The following SPATA20 variants were observed in gnomAD, a reference collection of about 807,000 sequenced individuals.
SPATA20 encodes the protein spermatogenesis associated 20.
SPATA20 carries 74 observed loss-of-function variants against 98.9 expected under a neutral mutation model. The ratio of observed to expected loss-of-function variants is 0.75; its 90% CI spans 0.62 to 0.91. SPATA20 has a LOEUF of 0.91. SPATA20 is among the 40% of genes least tolerant of loss of function. SPATA20 has a pLI of 0.00. For synonymous variants in SPATA20, 430 were observed against 440.5 expected (o/e 0.98, Z 0.30); for missense variants, 1,016 against 1,069.8 (o/e 0.95, Z 0.70).
chr17:50,547,196 GC>G lies in SPATA20; in HGVS notation c.-9del. The G allele has an allele frequency of 7.0e-7, 1 of 1,424,394 alleles. No individual in the cohort carries two copies. The highest frequency in any genetic ancestry group is 3.0e-5 in the Admixed American group (1 of 33,366). 88.2% of individuals were successfully genotyped at this position (1,424,394 alleles called of 1,614,324 possible). The stretch of plus-strand genomic sequence containing the variant: ...CCTGTCCTCAGCGGCCGGGCCCACG[GC>G]CCCGAGCAGCCATGCTGGGCGCGCG... On this transcript the variant is annotated 5_prime_UTR_variant, in exon 1 of 17. Coordinates refer to ENST00000006658, the MANE Select transcript of SPATA20 (RefSeq NM_022827.4).
At chr17:50,551,443 T>TA in intron 12 of SPATA20, 68 bp from the exon 13 acceptor site, 1 of 1,516,488 alleles carries the variant, frequency 6.6e-7, no homozygotes, top group East Asian at 2.3e-5. Flanking sequence ...GGGCCTAAGG[T>TA]GATAGGGTGG....
Position 50,552,194 on chromosome 17 carries a change from C to T in SPATA20, c.1957+14C>T. On this transcript the variant is annotated intron_variant, in intron 14 of 16. Transcript: ENST00000006658. Reference sequence around the variant, plus strand: ...GTCTGAAGGACGGTCAGTGGGGGTGCAGGGCTAGTCTGGGGTCCTGGGAGG... The same window carrying T: ...GTCTGAAGGACGGTCAGTGGGGGTGTAGGGCTAGTCTGGGGTCCTGGGAGG... 2 of 1,611,400 alleles carry T rather than the reference C, an allele frequency of 1.2e-6. No homozygotes were observed. The highest frequency in any genetic ancestry group is 3.3e-4 in the Middle Eastern group (2 of 6,044).
At chr17:50,547,515 A>G in intron 1 of SPATA20, 2 of 657,954 alleles carry the variant, frequency 3.0e-6, no homozygotes, top group South Asian at 1.7e-5. Flanking sequence ...CTTCCAGTGC[A>G]GTGCCAGCTC....
Position 50,548,554 on chromosome 17 carries a change from G to A in SPATA20, c.297G>A (p.Trp99Ter). The A allele has an allele frequency of 1.2e-6, 2 of 1,613,680 alleles. No individual in the cohort carries two copies. Among genetic ancestry groups the A allele is most frequent in the Non-Finnish European group, 1.7e-6 (2 of 1,179,834 alleles). ...TGATGCCCCACCCTGCTGGGTCTAGGTACCCCTGGGGACAGGAAGCCTTCG... is the reference window on the plus strand; with the variant it reads ...TGATGCCCCACCCTGCTGGGTCTAGATACCCCTGGGGACAGGAAGCCTTCG... Reference protein sequence around the residue: ...LLQHAYNPVDWYPWGQEAFDK... With the variant: ...LLQHAYNPVD Residue 99 changes from tryptophan (W) to a stop codon, truncating the protein, a stop_gained and splice_region_variant, in exon 4 of 17, where the codon TGG becomes TGA. Transcript: ENST00000006658. LOFTEE classifies it high-confidence loss of function.
rs1386287284 is a variant in SPATA20 at position 50,549,402 on chromosome 17, GAACAA to G, written c.778_782del (p.Asn260SerfsTer8). On this transcript the variant is annotated frameshift_variant, in exon 7 of 17. Transcript: ENST00000006658. LOFTEE classifies it high-confidence loss of function. Reference sequence around the variant, plus strand: ...AGCTGCCGCCCTCTGCCGCCACCGTGAACAATCGCTGCTTCCAGCAGCTGGATGAG... The same window carrying G: ...AGCTGCCGCCCTCTGCCGCCACCGTGTCGCTGCTTCCAGCAGCTGGATGAG... 1 of 1,612,684 alleles carries G rather than the reference GAACAA, an allele frequency of 6.2e-7. No individual in the cohort carries two copies.
chr17:50,548,976 T>A lies in SPATA20; in HGVS notation c.516+12T>A. Reference sequence around the variant, plus strand: ...TGACGTTCGTGCAGGTGAGCAGCCCTCCTCGGGAGTGTATGCGCCACATGG... The same window carrying A: ...TGACGTTCGTGCAGGTGAGCAGCCCACCTCGGGAGTGTATGCGCCACATGG... On this transcript the variant is annotated intron_variant, in intron 5 of 16. Transcript: ENST00000006658. 6.2e-7 allele frequency: 1 copy of A among 1,614,064 alleles called. No individual in the cohort carries two copies. The highest frequency in any genetic ancestry group is 8.5e-7 in the Non-Finnish European group (1 of 1,180,002).
At chr17:50,548,107 C>T (rs1312416387) in intron 2 of SPATA20, 176 bp from the exon 3 acceptor site, 4 of 1,506,264 alleles carry the variant, frequency 2.7e-6, no homozygotes, top group Non-Finnish European at 8.8e-7. Flanking sequence ...TCCTCACCCC[C>T]CAAAAAACAT....
rs1315525412 is a variant in SPATA20 at position 50,547,261 on chromosome 17, G to A, written c.53G>A (p.Gly18Asp). The A allele has an allele frequency of 1.5e-5, 21 of 1,390,402 alleles. No homozygotes were observed. The highest frequency in any genetic ancestry group is 1.8e-5 in the Non-Finnish European group (19 of 1,081,498). The allele number at this position is 1,390,402 out of a possible 1,614,324, so 86.1% of individuals were successfully genotyped here. A position where few individuals can be genotyped will look rare whatever the true frequency, so the allele number is the denominator to read the frequency against. The part of the protein sequence containing the change: ...LGRVLLLPRA[G>D]AGLAASRRCP... Reference sequence around the variant, plus strand: ...CGCGTCCTTCTGCTGCCCCGCGCCGGTGCAGGCCTCGCCGCGAGCCGCAGG... The same window carrying A: ...CGCGTCCTTCTGCTGCCCCGCGCCGATGCAGGCCTCGCCGCGAGCCGCAGG... Residue 18 changes from glycine (G) to aspartate (D), a missense_variant, in exon 1 of 17, where the codon GGT (glycine) becomes GAT (aspartate). By Grantham distance (94) the Gly-to-Asp change is moderately conservative (BLOSUM62 -1). Transcript: ENST00000006658.
In SPATA20 at chr17:50,554,376, C is replaced by G. The variant is rs564643332; in HGVS notation, c.2083C>G (p.Arg695Gly). ...GTGCCTATTGACCGCCTTTTCCGAG[C>G]GCATGCGTCGTGTCCCGGTGGCGTT... ...CVCLLTAFSE[R>G]MRRVPVALPE... Residue 695 changes from arginine (R) to glycine (G), a missense_variant, in exon 15 of 17, where the codon CGC becomes GGC. By Grantham distance (125) the Arg-to-Gly change is moderately radical. Transcript: ENST00000006658. 2 of 1,614,142 alleles carry G rather than the reference C, an allele frequency of 1.2e-6. No homozygotes were observed. Among genetic ancestry groups the G allele is most frequent in the African/African-American group, 1.3e-5 (1 of 75,056 alleles).
chr17:50,549,834 C>T (rs1352724674), intron 7 of SPATA20, 151 bp from the exon 8 acceptor site: 10 of 850,770 alleles, frequency 1.2e-5, no homozygotes, highest in Non-Finnish European at 3.7e-6. Context: ...TACCTTCTGT[C>T]CTGTGGGTTG....
At chr17:50,552,275 G>GT (rs2035029420) in intron 14 of SPATA20, 95 bp downstream of exon 14, 1 of 1,006,122 alleles carries the variant, frequency 9.9e-7, no homozygotes, top group Non-Finnish European at 1.5e-6. Flanking sequence ...CTGGCTTTGT[G>GT]TCTCTGCTAC....
Position 50,550,820 on chromosome 17 carries a change from C to A in SPATA20, c.1286C>A (p.Pro429Gln). Residue 429 changes from proline (P) to glutamine (Q), a missense_variant, in exon 11 of 17, where the codon CCG becomes CAG. Coordinates refer to ENST00000006658, the MANE Select transcript of SPATA20 (RefSeq NM_022827.4). ...WTVKEVQQLL[P>Q]EPVLGATEPL... The stretch of plus-strand genomic sequence containing the variant: ...GTCAAAGAGGTTCAGCAGCTCCTCC[C>A]GGAGCCTGTGTTGGGTGCCACCGAG... 6.2e-7 allele frequency: 1 copy of A among 1,612,984 alleles called. No homozygotes were observed. The highest frequency in any genetic ancestry group is 8.5e-7 in the Non-Finnish European group (1 of 1,179,998).
chr17:50,554,853 G>A (rs1267109259), intron 15 of SPATA20, among the ~76,000 whole-genome samples: 2 of 151,160 alleles, frequency 1.3e-5, no homozygotes, highest in African/African-American at 4.9e-5. Flanking sequence ...TGGTGTTTGT[G>A]TGTGTGGTAT....
At chr17:50,549,550 A>C in intron 7 of SPATA20, 63 bp downstream of exon 7, 1 of 1,505,406 alleles carries the variant, frequency 6.6e-7, no homozygotes, top group African/African-American at 1.4e-5. Flanking sequence ...CTGGTCAGGG[A>C]CCTACTGGCT....
Position 50,554,391 on chromosome 17 carries a change from C to T in SPATA20, c.2098C>T (p.Pro700Ser). 1 of 1,613,918 alleles carries T rather than the reference C, an allele frequency of 6.2e-7. No homozygotes were observed. Among genetic ancestry groups the T allele is most frequent in the Non-Finnish European group, 8.5e-7 (1 of 1,179,998 alleles). The change falls in exon 15 of 17, where the codon CCG (proline) becomes TCG (serine). Residue 700 changes from proline (P) to serine (S), a missense_variant. Pro to Ser is a moderately conservative substitution (Grantham distance 74). Transcript: ENST00000006658. Reference protein sequence around the residue: ...TAFSERMRRVPVALPEMVRAL... With the variant: ...TAFSERMRRVSVALPEMVRAL... ...CTTTTCCGAGCGCATGCGTCGTGTCCCGGTGGCGTTGCCCGAGATGGTCCG... is the reference window on the plus strand; with the variant it reads ...CTTTTCCGAGCGCATGCGTCGTGTCTCGGTGGCGTTGCCCGAGATGGTCCG...
intron 7 of SPATA20, 144 bp from the exon 8 acceptor site, chr17:50,549,841 G>A: frequency 1.1e-6 from 1 of 908,898 alleles, no homozygotes; most frequent in Admixed American, 2.3e-5. Context: ...TGTCCTGTGG[G>A]TTGACTCTTG....
chr17:50,554,548 C>T (rs752097425), intron 15 of SPATA20, 98 bp downstream of exon 15: 67 of 1,280,828 alleles, frequency 5.2e-5, no homozygotes, highest in Non-Finnish European at 6.8e-5. Flanking sequence ...TGGGCTGTCC[C>T]CAGAGCTCAG....
intron 16 of SPATA20, 43 bp from the exon 17 acceptor site, chr17:50,555,449 C>G (rs1186096439): frequency 6.2e-7 from 1 of 1,609,990 alleles, no homozygotes; most frequent in Non-Finnish European, 8.5e-7. Context: ...GGCAGGTGAC[C>G]CCACCCCGGC....
At chr17:50,550,385 G>A (rs928082431) in intron 9 of SPATA20, 73 bp downstream of exon 9, 2 of 1,383,660 alleles carry the variant, frequency 1.4e-6, no homozygotes, top group African/African-American at 1.4e-5. Flanking sequence ...CCTGGTGACT[G>A]TGGCTTCTCT....
Sources: gnomAD v4.1 joint callset for allele counts (sites outside exome capture counted in the v4.1 genomes callset) on GRCh38, gnomAD v4.1.1 for gene constraint, MANE v1.5 for transcripts, NCBI Gene and HGNC (gene_info 2026-07-23, HGNC 2026-07-21) for gene names.